The following CDKL3 variants were observed in gnomAD, a reference collection of about 807,000 sequenced individuals.
The protein encoded by CDKL3 is cyclin dependent kinase like 3.
In CDKL3, 65 loss-of-function variants were observed where a neutral mutation model predicts 69.3. The observed-to-expected ratio is 0.94, with a 90% CI of 0.77 to 1.15. The LOEUF (loss-of-function observed/expected upper bound fraction) is 1.15. Ranked by LOEUF, CDKL3 falls within the 50% of genes most tolerant of loss-of-function variation. The pLI is 0.00. For missense variants in CDKL3, 652 were observed against 689.2 expected (o/e 0.95, Z 0.61); for synonymous variants, 202 against 221.6 (o/e 0.91, Z 0.79).
Position 134,320,398 on chromosome 5 carries a change from CAAA to C in CDKL3, c.653-904_653-902del, listed in dbSNP as rs1406827731. ...TGGGAGGCCGAGTCGGGCAACATGG[CAAA>C]ACCGCGGCTGCACTAAAAACGCAAA... On this transcript the variant is annotated intron_variant, in intron 5 of 12. Coordinates refer to ENST00000265334, the MANE Select transcript of CDKL3 (RefSeq NM_001113575.2). Among the ~76,000 whole-genome samples the C allele has an allele frequency of 2.8e-4, 42 of 151,826 alleles. 1 individual carries two copies. Among genetic ancestry groups the C allele is most frequent in the Admixed American group, 2.6e-4 (4 of 15,224 alleles).
At chr5:134,367,727 AT>A (rs1445563743), upstream of CDKL3, among the ~76,000 whole-genome samples, 6 of 152,046 alleles carry the variant, frequency 3.9e-5, no homozygotes, top group Admixed American at 2.6e-4. Flanking sequence ...ATGCCTTTTA[AT>A]TTTTTCCAAC....
chr5:134,322,006 G>T, intron 4 of CDKL3, 103 bp from the exon 5 acceptor site: 1 of 681,396 alleles, frequency 1.5e-6, no homozygotes, highest in Non-Finnish European at 2.5e-6. Context: ...GAAACAAGTA[G>T]TATCATTTTA....
intron 4 of CDKL3, among the ~76,000 whole-genome samples, chr5:134,346,423 C>T (rs1353042962): frequency 6.6e-6 from 1 of 152,182 alleles, no homozygotes; most frequent in African/African-American, 2.4e-5. Flanking sequence ...ATTTGTCACG[C>T]TTTTCTCTTG....
At chr5:134,322,425 C>T (rs1405031113) in intron 4 of CDKL3, among the ~76,000 whole-genome samples, 2 of 152,106 alleles carry the variant, frequency 1.3e-5, no homozygotes, top group Non-Finnish European at 2.9e-5. Flanking sequence ...GGAGTGTAAA[C>T]TTATATGACT....
At chr5:134,357,547 G>A (rs1417295993) in intron 3 of CDKL3, among the ~76,000 whole-genome samples, 2 of 152,068 alleles carry the variant, frequency 1.3e-5, no homozygotes, top group African/African-American at 4.8e-5. Context: ...AGGAAGAATC[G>A]CTTGAACCCA....
chr5:134,350,831 G>GAAAAAAAAAAA (rs112330114), intron 3 of CDKL3, among the ~76,000 whole-genome samples: 2 of 82,396 alleles, frequency 2.4e-5, no homozygotes, highest in African/African-American at 3.9e-5. Context: ...AGAAAAAAAA[G>GAAAAAAAAAAA]AAAAAAAAAA....
intron 6 of CDKL3, among the ~76,000 whole-genome samples, chr5:134,316,170 T>C (rs1478014830): frequency 5.3e-5 from 8 of 152,196 alleles, no homozygotes; most frequent in Admixed American, 5.2e-4. Flanking sequence ...CAAGTGGGTC[T>C]TGAATTCCTG....
chr5:134,349,173 T>C (rs906989600), intron 4 of CDKL3, among the ~76,000 whole-genome samples: 30 of 152,318 alleles, frequency 2.0e-4, no homozygotes, highest in Admixed American at 1.8e-3. Flanking sequence ...CTAAAGCATT[T>C]AGAACAGTTT....
At position 134,308,286 on chromosome 5, in the gene CDKL3, G is replaced by A. The variant is rs1768439113; in HGVS notation, c.1216C>T (p.Pro406Ser). ...TTAGTGCTGGGATTGATAGGGTTTG[G>A]TGGTTCAATGGTTACAAGTTTTGTA... ...PDTKLVTIEP[P>S]NPINPSTNCN... Residue 406 changes from proline (P) to serine (S), a missense_variant, in exon 9 of 13, where the codon CCA becomes TCA. Pro to Ser is a moderately conservative substitution (Grantham distance 74). Coordinates refer to ENST00000265334, the MANE Select transcript of CDKL3 (RefSeq NM_001113575.2). 2 of 1,613,846 alleles carry A rather than the reference G, an allele frequency of 1.2e-6. No homozygotes were observed. The highest frequency in any genetic ancestry group is 2.2e-5 in the South Asian group (2 of 91,088).
intron 4 of CDKL3, among the ~76,000 whole-genome samples, chr5:134,326,823 A>ATATATATGTGTGTGTG (rs1468227658): frequency 1.4e-4 from 15 of 105,024 alleles, no homozygotes; most frequent in African/African-American, 6.0e-4. Flanking sequence ...GTGTGTATAT[A>ATATATATGTGTGTGTG]TATATATATA....
At chr5:134,360,483 G>A (rs1755751688) in intron 2 of CDKL3, among the ~76,000 whole-genome samples, 1 of 152,126 alleles carries the variant, frequency 6.6e-6, no homozygotes, top group Non-Finnish European at 1.5e-5. Context: ...GGAATTGTAG[G>A]TGTGCACCAT....
chr5:134,371,469 A>T, upstream of CDKL3: 2 of 1,125,498 alleles, frequency 1.8e-6, no homozygotes, highest in Non-Finnish European at 2.5e-6. Flanking sequence ...GTTGTTTGTC[A>T]GTCTCGGCGG....
At position 134,291,759 on chromosome 5, in the gene CDKL3, G is replaced by A. The variant is rs13355628; in HGVS notation, c.*678-5200C>T. 4.2e-3 allele frequency among the ~76,000 whole-genome samples: 624 copies of A among 149,568 alleles called. 5 individuals are homozygous for A. Among genetic ancestry groups the A allele is most frequent in the African/African-American group, 0.014 (555 of 40,650 alleles). On this transcript the variant is annotated intron_variant and NMD_transcript_variant, in intron 8 of 8. Transcript: ENST00000519312. ...ATTGCACTCCAGCCTGGGTGACAGA[G>A]CAAGACTCCATCTCAAAAAAAAAAA...
At chr5:134,311,430 G>A (rs1050118684) in intron 7 of CDKL3, among the ~76,000 whole-genome samples, 6 of 152,044 alleles carry the variant, frequency 3.9e-5, no homozygotes, top group African/African-American at 7.2e-5. Context: ...GCTTGAACCC[G>A]GGAGATGGAG....
In CDKL3 at chr5:134,308,629, T is replaced by C. The variant is rs1561518200; in HGVS notation, c.980A>G (p.Asp327Gly). 1.9e-6 allele frequency: 3 copies of C among 1,608,646 alleles called. No homozygotes were observed. Among genetic ancestry groups the C allele is most frequent in the African/African-American group, 2.7e-5 (2 of 74,564 alleles). ...ATTGGTATAAACTGTTTTTCTTTCA[T>C]CTTTCCTGAGTTCATTTTCTTTAGA... is the stretch of plus-strand genomic sequence containing the variant. ...ESSKENELRK[D>G]ERKTVYTNTL... The change falls in exon 8 of 13, where the codon GAT becomes GGT. Residue 327 changes from aspartate to glycine, a missense_variant. Asp to Gly is a moderately conservative substitution (Grantham distance 94). Coordinates refer to ENST00000265334, the MANE Select transcript of CDKL3 (RefSeq NM_001113575.2).
intron 4 of CDKL3, among the ~76,000 whole-genome samples, chr5:134,335,723 A>T (rs1776937363): frequency 6.6e-6 from 1 of 152,194 alleles, no homozygotes; most frequent in Admixed American, 6.5e-5. Flanking sequence ...CTTTGTAGGT[A>T]ACCCAACCTT....
At chr5:134,325,802 C>T (rs755569887) in intron 4 of CDKL3, among the ~76,000 whole-genome samples, 9 of 151,776 alleles carry the variant, frequency 5.9e-5, no homozygotes, top group Non-Finnish European at 1.3e-4. Flanking sequence ...CTCGCTCTGT[C>T]GCCCAGGCTG....
rs543451299 is a variant in CDKL3 at position 134,341,956 on chromosome 5, T to A, written c.539+8293A>T. Among the ~76,000 whole-genome samples, 32 of 152,332 alleles carry A rather than the reference T, an allele frequency of 2.1e-4. 1 individual carries two copies. The highest frequency in any genetic ancestry group is 4.1e-4 in the African/African-American group (17 of 41,576). On this transcript the variant is annotated intron_variant, in intron 4 of 12. Coordinates refer to ENST00000265334, the MANE Select transcript of CDKL3 (RefSeq NM_001113575.2). ...AATGCAGTCTGCTGCGGGCCAGATT[T>A]TGCTTTAGGAGGCCCCTCTTTCTCA...
In CDKL3 at chr5:134,330,336, G is replaced by A. The variant is rs1775471441; in HGVS notation, c.540-8433C>T. Among the ~76,000 whole-genome samples the A allele has an allele frequency of 1.3e-5, 2 of 152,174 alleles. 1 individual carries two copies. Among genetic ancestry groups the A allele is most frequent in the South Asian group, 4.1e-4 (2 of 4,828 alleles). On this transcript the variant is annotated intron_variant, in intron 4 of 12. Coordinates refer to ENST00000265334, the MANE Select transcript of CDKL3 (RefSeq NM_001113575.2). Reference sequence around the variant, plus strand: ...AATGTTTATAAAATTGCCCTCGTTTGATGAGAGGAATGAGCTGGAGCATGG... The same window carrying A: ...AATGTTTATAAAATTGCCCTCGTTTAATGAGAGGAATGAGCTGGAGCATGG...
Sources: allele counts gnomAD v4.1 joint callset (sites outside exome capture counted in the v4.1 genomes callset), GRCh38; gene constraint gnomAD v4.1.1; transcripts MANE v1.5; gene names NCBI Gene and HGNC (gene_info 2026-07-23, HGNC 2026-07-21).